Variants in FGF8 observed in about 807,000 individuals in gnomAD.
The protein encoded by FGF8 is fibroblast growth factor 8, also known as androgen-induced growth factor.
Under a neutral mutation model 29.7 loss-of-function variants are expected in FGF8, and 12 were observed. The observed-to-expected ratio is 0.40, with a 90% CI of 0.26 to 0.65. The LOEUF (loss-of-function observed/expected upper bound fraction) is 0.65. Ranked by LOEUF, FGF8 falls within the 30% of genes least tolerant of loss-of-function variation. The probability of loss-of-function intolerance (pLI) is 0.37; values close to 1 mark genes in which losing one functional copy is unlikely to be tolerated. For missense variants in FGF8, 271 were observed against 345.1 expected, an observed-to-expected ratio of 0.79 and a Z score of 1.70; for synonymous variants, 157 against 144.4, an observed-to-expected ratio of 1.09 and a Z score of -0.63.
At position 101,774,323 on chromosome 10, in the gene FGF8, T is replaced by C. The variant is rs3218229; in HGVS notation, c.337+409A>G. On this transcript the variant is annotated intron_variant, in intron 4 of 5. Transcript: ENST00000320185. ...AAGTATTTAAGGGTTCCCAGCAACC[T>C]CCTTTTCCAACTGGGAGAGTTGAGG... Among the ~76,000 whole-genome samples the C allele has an allele frequency of 9.4e-3, 1,424 of 152,270 alleles. 20 individuals carry two copies. The highest frequency in any genetic ancestry group is 0.033 in the African/African-American group (1,352 of 41,554).
Position 101,775,718 on chromosome 10 carries a change from G to A in FGF8, c.69+22C>T. The A allele has an allele frequency of 3.2e-6, 5 of 1,541,522 alleles. No homozygotes were observed. The highest frequency in any genetic ancestry group is 4.4e-6 in the Non-Finnish European group (5 of 1,144,700). On this transcript the variant is annotated intron_variant, in intron 2 of 5. Transcript: ENST00000320185. This position sits in a 1 kb window ranked among gnomAD's most constrained non-coding sequence, Gnocchi z 4.6. ...TCTCACACCGGCGCGCCCGGCCCCC[G>A]CCTCCGCGCACCCCTCCTCACCTGG...
Position 101,775,702 on chromosome 10 carries a change from G to T in FGF8, c.69+38C>A, listed in dbSNP as rs756492101. 2 of 1,539,516 alleles carry T rather than the reference G, an allele frequency of 1.3e-6. No homozygotes were observed. The highest frequency in any genetic ancestry group is 1.7e-6 in the Non-Finnish European group (2 of 1,144,250). ...GCGCTGCCCACCCGGGTCTCACACC[G>T]GCGCGCCCGGCCCCCGCCTCCGCGC... On this transcript the variant is annotated intron_variant, in intron 2 of 5. Transcript: ENST00000320185. This position sits in a 1 kb window ranked among gnomAD's most constrained non-coding sequence, Gnocchi z 4.6.
intron 4 of FGF8, 61 bp downstream of exon 4, chr10:101,774,671 G>A: frequency 7.0e-7 from 1 of 1,429,740 alleles, no homozygotes; most frequent in Non-Finnish European, 9.7e-7. Flanking sequence ...CCCGGCCAGT[G>A]CAGTTGGGAC....
chr10:101,775,975 G>A lies in FGF8; in HGVS notation c.-75C>T. On this transcript the variant is annotated 5_prime_UTR_variant, in exon 1 of 6. Transcript: ENST00000320185. The surrounding 1 kb of genome is among the most constrained non-coding windows in gnomAD (Gnocchi z 4.6). ...GGGCCGCCGCGGGAGGACGCGCTGA[G>A]CAGGGCGCGAGCGGAGAGGGTGCGG... 7 of 1,028,848 alleles carry A rather than the reference G, an allele frequency of 6.8e-6. No individual in the cohort carries two copies. Among genetic ancestry groups the A allele is most frequent in the Non-Finnish European group, 8.4e-6 (7 of 830,558 alleles). The allele number at this position is 1,028,848 out of a possible 1,614,324, so 63.7% of individuals were successfully genotyped here. A position where few individuals can be genotyped will look rare whatever the true frequency, so the allele number is the denominator to read the frequency against.
chr10:101,770,729 G>A (rs1253064899), intron 5 of FGF8, 110 bp from the exon 6 acceptor site: 22 of 1,233,776 alleles, frequency 1.8e-5, no homozygotes, highest in Non-Finnish European at 2.3e-5. Context: ...AGGTGGGCAG[G>A]AGCCGCAGCC....
In FGF8 at chr10:101,771,360, C is replaced by T; in HGVS notation, c.444+103G>A. The T allele has an allele frequency of 1.2e-6, 1 of 869,256 alleles. No homozygotes were observed. The highest frequency in any genetic ancestry group is 1.9e-6 in the Non-Finnish European group (1 of 513,620). 53.8% of individuals were successfully genotyped at this position (869,256 alleles called of 1,614,324 possible). ...CCCAAGATGGCCCTGTGGCCTTCTGCCTACCTTGTTGGGATCAGAGCCCAG... is the reference window on the plus strand; with the variant it reads ...CCCAAGATGGCCCTGTGGCCTTCTGTCTACCTTGTTGGGATCAGAGCCCAG... On this transcript the variant is annotated intron_variant, in intron 5 of 5. Transcript: ENST00000320185. This position sits in a 1 kb window ranked among gnomAD's most constrained non-coding sequence, Gnocchi z 5.3.
rs1239958679 is a variant in FGF8 at position 101,774,829 on chromosome 10, G to A, written c.240C>T (p.Ile80=). 6.2e-7 allele frequency: 1 copy of A among 1,613,788 alleles called. No homozygotes were observed. Among genetic ancestry groups the A allele is most frequent in the South Asian group, 1.1e-5 (1 of 91,086 alleles). The part of the protein sequence containing the change: ...LVTDQLSRRL[I]RTYQLYSRTS... Reference sequence around the variant, plus strand: ...TGCGGCTGTAGAGTTGGTAGGTCCGGATGAGGCGGCGGCTGAGCTGATCCG... The same window carrying A: ...TGCGGCTGTAGAGTTGGTAGGTCCGAATGAGGCGGCGGCTGAGCTGATCCG... Residue 80 remains isoleucine (I), a synonymous_variant, in exon 4 of 6, where the codon ATC becomes ATT. Transcript: ENST00000320185.
upstream of FGF8, among the ~76,000 whole-genome samples, chr10:101,779,818 AG>A (rs1294863671): frequency 2.6e-5 from 4 of 152,250 alleles, no homozygotes; most frequent in Non-Finnish European, 4.4e-5. The surrounding 1 kb of genome is among the most constrained non-coding windows in gnomAD (Gnocchi z 5.7). Flanking sequence ...AAGAAGAGGA[AG>A]GGAAAGAGGA....
At chr10:101,777,791 G>T (rs1379722687), upstream of FGF8, among the ~76,000 whole-genome samples, 1 of 152,260 alleles carries the variant, frequency 6.6e-6, no homozygotes, top group Admixed American at 6.5e-5. Flanking sequence ...GATGGGGGAA[G>T]TGGCTGAGCC....
Position 101,775,870 on chromosome 10 carries a change from GGCA to G in FGF8, c.28_30del (p.Cys10del). 6.7e-7 allele frequency: 1 copy of G among 1,485,398 alleles called. No homozygotes were observed. Among genetic ancestry groups the G allele is most frequent in the South Asian group, 1.3e-5 (1 of 78,312 alleles). The allele number at this position is 1,485,398 out of a possible 1,614,324, so 92.0% of individuals were successfully genotyped here. On this transcript the variant is annotated inframe_deletion and splice_region_variant, in exon 1 of 6. Coordinates refer to ENST00000320185, the MANE Select transcript of FGF8 (RefSeq NM_033163.5). The surrounding 1 kb of genome is among the most constrained non-coding windows in gnomAD (Gnocchi z 4.6). ...GGGGCAGGGCGGCGCGGTACTCACA[GGCA>G]GCTCAGCGCGGAGCGGGGGCTGCCC...
At chr10:101,774,625 A>T in intron 4 of FGF8, 107 bp downstream of exon 4, 1 of 959,488 alleles carries the variant, frequency 1.0e-6, no homozygotes. Flanking sequence ...TTTCTGCCTT[A>T]ACTCCTTCCC....
chr10:101,775,417 T>A lies in FGF8; in HGVS notation c.70-201A>T. 1.6e-6 allele frequency: 1 copy of A among 606,592 alleles called. No individual in the cohort carries two copies. Among genetic ancestry groups the A allele is most frequent in the Non-Finnish European group, 2.9e-6 (1 of 341,254 alleles). The allele number at this position is 606,592 out of a possible 1,614,324, so 37.6% of individuals were successfully genotyped here. A position where few individuals can be genotyped will look rare whatever the true frequency, so the allele number is the denominator to read the frequency against. Reference sequence around the variant, plus strand: ...ACCCGGCTTCCCCTGGCATCGAACATCCATCCCCTGGCCGCGGCTGCCCCC... The same window carrying A: ...ACCCGGCTTCCCCTGGCATCGAACAACCATCCCCTGGCCGCGGCTGCCCCC... On this transcript the variant is annotated intron_variant, in intron 2 of 5. Coordinates refer to ENST00000320185, the MANE Select transcript of FGF8 (RefSeq NM_033163.5). This position sits in a 1 kb window ranked among gnomAD's most constrained non-coding sequence, Gnocchi z 4.6.
At position 101,774,738 on chromosome 10, in the gene FGF8, G is replaced by A. The variant is rs777322506; in HGVS notation, c.331C>T (p.Pro111Ser). 7 of 1,604,048 alleles carry A rather than the reference G, an allele frequency of 4.4e-6. No individual in the cohort carries two copies. Among genetic ancestry groups the A allele is most frequent in the Non-Finnish European group, 4.2e-6 (5 of 1,179,642 alleles). ...TACCTTCAGCGCGCCTTACCGAAGG[G>A]GTCGCCGTCCTCTGCCATGGCGTTG... ...RINAMAEDGDPFAKLIVETDT... is the reference protein window; with the variant it reads ...RINAMAEDGDSFAKLIVETDT... The change falls in exon 4 of 6, where the codon CCC becomes TCC. Residue 111 changes from proline (P) to serine (S), a missense_variant. Around this residue, in one of 3 missense-constraint regions of FGF8, gnomAD observed 168 missense variants for 207.0 expected, o/e 0.81. Transcript: ENST00000320185.
chr10:101,776,442 T>G (rs2735427), upstream of FGF8, among the ~76,000 whole-genome samples: 150,810 of 151,138 alleles, frequency 1, 75,245 homozygotes, highest in Middle Eastern at 1. Flanking sequence ...CGCTCCCCGG[T>G]CCCGGACGCG....
Position 101,772,864 on chromosome 10 carries a change from T to C in FGF8, c.338-1295A>G, listed in dbSNP as rs1019924543. ...GTCACCTCCCTGCCTGCCCACCTCC[T>C]CCTGGACCTAGCCAGTCTGCTCATC... On this transcript the variant is annotated intron_variant, in intron 4 of 5. Coordinates refer to ENST00000320185, the MANE Select transcript of FGF8 (RefSeq NM_033163.5). This position sits in a 1 kb window ranked among gnomAD's most constrained non-coding sequence, Gnocchi z 4.4. Among the ~76,000 whole-genome samples the C allele has an allele frequency of 6.6e-5, 10 of 152,154 alleles. No individual in the cohort carries two copies. Among genetic ancestry groups the C allele is most frequent in the Admixed American group, 3.9e-4 (6 of 15,274 alleles).
rs1402567853 is a variant in FGF8, at chr10:101,775,724, G to T, written c.69+16C>A. ...ACCGGCGCGCCCGGCCCCCGCCTCC[G>T]CGCACCCCTCCTCACCTGGGCTTGG... On this transcript the variant is annotated intron_variant, in intron 2 of 5. Coordinates refer to ENST00000320185, the MANE Select transcript of FGF8 (RefSeq NM_033163.5). The surrounding 1 kb of genome is among the most constrained non-coding windows in gnomAD (Gnocchi z 4.6). 6.5e-7 allele frequency: 1 copy of T among 1,542,968 alleles called. No homozygotes were observed. Among genetic ancestry groups the T allele is most frequent in the Non-Finnish European group, 8.7e-7 (1 of 1,145,186 alleles).
In FGF8 at chr10:101,775,935, G is replaced by T; in HGVS notation, c.-35C>A. 4.2e-6 allele frequency: 5 copies of T among 1,195,334 alleles called. No homozygotes were observed. Among genetic ancestry groups the T allele is most frequent in the Non-Finnish European group, 5.2e-6 (5 of 967,306 alleles). 74.0% of individuals were successfully genotyped at this position (1,195,334 alleles called of 1,614,324 possible). ...CCCCGGGGCACCGAGAGCCCGGCGG[G>T]TCACGCCGTCCCGCGGGCCGCCGCG... On this transcript the variant is annotated 5_prime_UTR_variant, in exon 1 of 6. Transcript: ENST00000320185. The surrounding 1 kb of genome is among the most constrained non-coding windows in gnomAD (Gnocchi z 4.6).
upstream of FGF8, among the ~76,000 whole-genome samples, chr10:101,779,354 GCAGTCGGCAAACCCCGGCGTATGCCTT>G (rs1481164160): frequency 1.3e-5 from 2 of 152,262 alleles, no homozygotes; most frequent in Non-Finnish European, 2.9e-5. This position sits in a 1 kb window ranked among gnomAD's most constrained non-coding sequence, Gnocchi z 5.7. Flanking sequence ...CCTTCCTCCA[GCAGTCGGCAAACCCCGGCGTATGCCTT>G]CATCCCCCAG....
At position 101,775,905 on chromosome 10, in the gene FGF8, C is replaced by T. The variant is rs2065084838; in HGVS notation, c.-5G>A. ...CGCGGAGCGGGGGCTGCCCATGGCGCGCGGCCCCGGGGCACCGAGAGCCCG... is the reference window on the plus strand; with the variant it reads ...CGCGGAGCGGGGGCTGCCCATGGCGTGCGGCCCCGGGGCACCGAGAGCCCG... On this transcript the variant is annotated 5_prime_UTR_variant, in exon 1 of 6. Transcript: ENST00000320185. This position sits in a 1 kb window ranked among gnomAD's most constrained non-coding sequence, Gnocchi z 4.6. 1.6e-6 allele frequency: 2 copies of T among 1,265,924 alleles called. No individual in the cohort carries two copies. The highest frequency in any genetic ancestry group is 1.6e-5 in the African/African-American group (1 of 63,062). 78.4% of individuals were successfully genotyped at this position (1,265,924 alleles called of 1,614,324 possible).
Sources: gnomAD v4.1 joint callset for allele counts (sites outside exome capture counted in the v4.1 genomes callset) on GRCh38, gnomAD v4.1.1 for gene constraint, gnomAD v4.1.1 regional missense constraint, Gnocchi (gnomAD v3.1) non-coding constraint, MANE v1.5 for transcripts, NCBI Gene and HGNC (gene_info 2026-07-23, HGNC 2026-07-21) for gene names.